Variants in TRPC3 observed in about 807,000 individuals in gnomAD.
TRPC3 encodes the protein short transient receptor potential channel 3.
In TRPC3, 54 loss-of-function variants were observed where a neutral mutation model predicts 90.9. The observed-to-expected ratio is 0.59, with a 90% CI of 0.48 to 0.75. The LOEUF is 0.75. TRPC3 is among the 30% of genes least tolerant of loss of function. The probability of loss-of-function intolerance (pLI) is 0.00; values close to 1 mark genes in which losing one functional copy is unlikely to be tolerated. For synonymous variants in TRPC3, 424 were observed against 450.9 expected, an observed-to-expected ratio of 0.94 and a Z score of 0.75; for missense variants, 918 against 1,194.5, an observed-to-expected ratio of 0.77 and a Z score of 3.41.
At chr4:121,906,197 G>A (rs113697384) in intron 7 of TRPC3, among the ~76,000 whole-genome samples, 369 of 152,204 alleles carry the variant, frequency 2.4e-3, no homozygotes, top group African/African-American at 7.5e-3. Flanking sequence ...ACTGAGAAAT[G>A]TTCAGGAACT....
chr4:121,883,343 G>A (rs1016529720), intron 10 of TRPC3, among the ~76,000 whole-genome samples: 11 of 152,054 alleles, frequency 7.2e-5, no homozygotes, highest in Non-Finnish European at 4.4e-5. Context: ...TATAAAGAAA[G>A]TGAAAAGGCA....
In TRPC3 at chr4:121,909,330, T is replaced by C. The variant is rs2149123860; in HGVS notation, c.1792+824A>G. Reference sequence around the variant, plus strand: ...CCTAATTACACCTATAAAAAAGTATTCTTCACAACCAGATCACAGTTAAAC... The same window carrying C: ...CCTAATTACACCTATAAAAAAGTATCCTTCACAACCAGATCACAGTTAAAC... On this transcript the variant is annotated intron_variant, in intron 6 of 11. Transcript: ENST00000379645. Among the ~76,000 whole-genome samples, 2 of 152,244 alleles carry C rather than the reference T, an allele frequency of 1.3e-5. 1 individual carries two copies. The highest frequency in any genetic ancestry group is 6.8e-3 in the Middle Eastern group (2 of 294).
intron 1 of TRPC3, among the ~76,000 whole-genome samples, chr4:121,948,252 G>T (rs187002479): frequency 6.6e-6 from 1 of 151,680 alleles, no homozygotes; most frequent in African/African-American, 2.4e-5. Flanking sequence ...GTCAACAATG[G>T]CATCAACCAT....
chr4:121,928,864 C>T (rs1055623862), intron 2 of TRPC3, among the ~76,000 whole-genome samples: 5 of 152,058 alleles, frequency 3.3e-5, no homozygotes, highest in African/African-American at 9.7e-5. Context: ...CAACTCTTAA[C>T]AGGCTTGGTT....
intron 3 of TRPC3, among the ~76,000 whole-genome samples, chr4:121,916,564 C>T (rs1729325016): frequency 6.6e-6 from 1 of 152,016 alleles, no homozygotes; most frequent in Non-Finnish European, 1.5e-5. Flanking sequence ...AGACTGGAGC[C>T]CTGATAGGAA....
At chr4:121,910,886 T>G (rs1200765129) in intron 5 of TRPC3, among the ~76,000 whole-genome samples, 1 of 152,194 alleles carries the variant, frequency 6.6e-6, no homozygotes, top group Non-Finnish European at 1.5e-5. Context: ...TCTTCTCATT[T>G]CCATGTCATG....
chr4:121,889,941 TAAAG>T (rs1728262898), intron 10 of TRPC3, among the ~76,000 whole-genome samples: 1 of 152,134 alleles, frequency 6.6e-6, no homozygotes, highest in Non-Finnish European at 1.5e-5. Flanking sequence ...GATGAACAGA[TAAAG>T]AAAGTATGGT....
chr4:121,890,625 A>T (rs1456555515), intron 10 of TRPC3, among the ~76,000 whole-genome samples: 1 of 152,146 alleles, frequency 6.6e-6, no homozygotes, highest in Non-Finnish European at 1.5e-5. Flanking sequence ...AAAATAATGG[A>T]GCAGAAAAAT....
At chr4:121,886,820 A>C (rs899962828) in intron 10 of TRPC3, among the ~76,000 whole-genome samples, 5 of 152,246 alleles carry the variant, frequency 3.3e-5, no homozygotes, top group Admixed American at 6.5e-5. Context: ...AGGCAAACTA[A>C]ATATATAAGT....
chr4:121,928,174 TTATAGTC>T (rs139520714), intron 2 of TRPC3, among the ~76,000 whole-genome samples: 2,377 of 152,272 alleles, frequency 0.016, 53 homozygotes, highest in African/African-American at 0.054. Context: ...ACCTATAAAA[TTATAGTC>T]TATAAACTGT....
At chr4:121,901,149 G>C (rs541504788) in intron 9 of TRPC3, among the ~76,000 whole-genome samples, 1 of 152,330 alleles carries the variant, frequency 6.6e-6, no homozygotes, top group South Asian at 2.1e-4. Context: ...TGTGTTCTGT[G>C]AAGTGCAAGA....
chr4:121,939,380 T>C (rs1350660408), intron 1 of TRPC3, among the ~76,000 whole-genome samples: 1 of 152,196 alleles, frequency 6.6e-6, no homozygotes, highest in East Asian at 1.9e-4. Flanking sequence ...ATTCCTTTAT[T>C]CCTCTAATTC....
chr4:121,881,953 G>A (rs1230462227), intron 11 of TRPC3, among the ~76,000 whole-genome samples: 1 of 152,082 alleles, frequency 6.6e-6, no homozygotes, highest in Non-Finnish European at 1.5e-5. Context: ...ATAAAACAGA[G>A]GTTTTCCTGA....
chr4:121,921,909 G>T (rs1187476509), intron 3 of TRPC3, among the ~76,000 whole-genome samples: 43 of 119,682 alleles, frequency 3.6e-4, no homozygotes, highest in Middle Eastern at 4.3e-3. Context: ...TGTTTTTTGG[G>T]TTTTTTTTTG....
Position 121,925,049 on chromosome 4 carries a change from A to G in TRPC3, c.1145T>C (p.Val382Ala). 1 of 1,613,362 alleles carries G rather than the reference A, an allele frequency of 6.2e-7. No individual in the cohort carries two copies. The highest frequency in any genetic ancestry group is 1.1e-5 in the South Asian group (1 of 90,874). Residue 382 changes from valine to alanine, a missense_variant, in exon 3 of 12, where the codon GTC becomes GCC. Transcript: ENST00000379645. Reference sequence around the variant, plus strand: ...GACTTCATACTTAATGGCAAGTTTGACACGACTTAATGAAGCTTTGTGCCT... The same window carrying G: ...GACTTCATACTTAATGGCAAGTTTGGCACGACTTAATGAAGCTTTGTGCCT... ...VHRHKASLSR[V>A]KLAIKYEVKK...
intron 1 of TRPC3, among the ~76,000 whole-genome samples, chr4:121,943,632 A>C (rs893461252): frequency 2.6e-5 from 4 of 152,178 alleles, no homozygotes; most frequent in African/African-American, 4.8e-5. Context: ...TTGAACAAGA[A>C]TTCAGACAAA....
intron 6 of TRPC3, among the ~76,000 whole-genome samples, chr4:121,907,977 T>C (rs999629866): frequency 5.3e-5 from 8 of 152,148 alleles, no homozygotes; most frequent in African/African-American, 1.4e-4. Context: ...TAACTTCTTT[T>C]CCATATCTTG....
Position 121,912,027 on chromosome 4 carries a change from G to A in TRPC3, c.1408C>T (p.Leu470=). 1 of 1,613,850 alleles carries A rather than the reference G, an allele frequency of 6.2e-7. No homozygotes were observed. The highest frequency in any genetic ancestry group is 8.5e-7 in the Non-Finnish European group (1 of 1,179,862). The stretch of plus-strand genomic sequence containing the variant: ...GAGGCATTGAACACAAGCAGACCCA[G>A]GAAGATGATGAAAGAAGCTGCATGT... ...VAHAASFIIF[L]GLLVFNASDR... The change falls in exon 5 of 12, where the codon CTG becomes TTG. Residue 470 remains leucine (L), a synonymous_variant. Transcript: ENST00000379645.
In TRPC3 at chr4:121,879,758, G is replaced by A. The variant is rs199588234; in HGVS notation, c.2744C>T (p.Pro915Leu). 1.2e-5 allele frequency: 19 copies of A among 1,609,310 alleles called. No individual in the cohort carries two copies. Among genetic ancestry groups the A allele is most frequent in the Admixed American group, 5.1e-5 (3 of 59,206 alleles). The stretch of plus-strand genomic sequence containing the variant: ...GCATCATTCACATCTCAGCATGCTG[G>A]GATTCAGTTTCTCACTAAGTTTATG... Reference protein sequence around the residue: ...LIHKLSEKLNPSMLRCE With the variant: ...LIHKLSEKLNLSMLRCE The change falls in exon 12 of 12, where the codon CCC (proline) becomes CTC (leucine). Residue 915 changes from proline (P) to leucine (L), a missense_variant. Physicochemically the swap from Pro to Leu is moderately conservative, Grantham distance 98 (BLOSUM62 -3). This residue lies in a region of TRPC3 where 41 missense variants were observed against 69.4 expected (regional missense o/e 0.59). Coordinates refer to ENST00000379645, the MANE Select transcript of TRPC3 (RefSeq NM_001130698.2).
Sources: allele counts gnomAD v4.1 joint callset (sites outside exome capture counted in the v4.1 genomes callset), GRCh38; gene constraint gnomAD v4.1.1; regional missense constraint gnomAD v4.1.1; transcripts MANE v1.5; gene names NCBI Gene and HGNC (gene_info 2026-07-23, HGNC 2026-07-21).